Variants in RNF182 observed in about 807,000 individuals in gnomAD.
The protein encoded by RNF182 is ring finger protein 182, also known as E3 ubiquitin-protein ligase RNF182.
RNF182 carries 15 observed loss-of-function variants against 14.4 expected under a neutral mutation model. The ratio of observed to expected loss-of-function variants is 1.04; its 90% CI spans 0.70 to 1.60. The LOEUF (loss-of-function observed/expected upper bound fraction) is 1.60. Ranked by LOEUF, RNF182 falls within the 40% of genes most tolerant of loss-of-function variation. The pLI, the probability that RNF182 is intolerant of heterozygous loss-of-function variation, is 0.00. For synonymous variants in RNF182, 128 were observed against 122.9 expected (o/e 1.04, Z -0.27); for missense variants, 268 against 294.8 (o/e 0.91, Z 0.67).
chr6:13,954,091 G>T (rs1404120560), intron 1 of RNF182, among the ~76,000 whole-genome samples: 3 of 152,064 alleles, frequency 2.0e-5, no homozygotes, highest in African/African-American at 7.2e-5. Context: ...TTATCACTCA[G>T]CCTCAACAGT....
chr6:13,941,276 C>T (rs1759293012), intron 1 of RNF182, among the ~76,000 whole-genome samples: 1 of 151,894 alleles, frequency 6.6e-6, no homozygotes, highest in Non-Finnish European at 1.5e-5. Flanking sequence ...TGTTATAATT[C>T]CTTGGTGTAT....
chr6:13,943,708 A>G (rs762775374), intron 1 of RNF182, among the ~76,000 whole-genome samples: 3 of 152,204 alleles, frequency 2.0e-5, no homozygotes, highest in Non-Finnish European at 2.9e-5. Flanking sequence ...GAATAATGTT[A>G]AAGTTTTGCA....
At chr6:13,956,583 C>T (rs1035629572) in intron 1 of RNF182, among the ~76,000 whole-genome samples, 14 of 152,170 alleles carry the variant, frequency 9.2e-5, no homozygotes, top group Admixed American at 4.6e-4. Context: ...TCTTGGCCTC[C>T]CAGAGTGCTG....
chr6:13,940,693 T>C (rs1759272801), intron 1 of RNF182, among the ~76,000 whole-genome samples: 1 of 152,156 alleles, frequency 6.6e-6, no homozygotes, highest in Non-Finnish European at 1.5e-5. Flanking sequence ...CTTAGATTAT[T>C]GATTTTCAAC....
intron 1 of RNF182, among the ~76,000 whole-genome samples, chr6:13,939,607 G>A (rs765034366): frequency 3.0e-4 from 45 of 151,786 alleles, no homozygotes; most frequent in Admixed American, 2.7e-3. Context: ...GCAGTGGCGC[G>A]ATCTGGGCTC....
intron 1 of RNF182, among the ~76,000 whole-genome samples, chr6:13,927,653 G>A (rs1561773055): frequency 6.6e-6 from 1 of 152,248 alleles, no homozygotes; most frequent in Non-Finnish European, 1.5e-5. Context: ...TTGAAAGTCA[G>A]TTGTTTGTAA....
chr6:13,947,979 G>A (rs1043613975), intron 1 of RNF182, among the ~76,000 whole-genome samples: 1 of 152,126 alleles, frequency 6.6e-6, no homozygotes, highest in African/African-American at 2.4e-5. Flanking sequence ...AAAGAAATGT[G>A]CTCTAAATTT....
Position 13,928,269 on chromosome 6 carries a change from A to G in RNF182, c.-367+3246A>G, listed in dbSNP as rs190127090. Among the ~76,000 whole-genome samples, 305 of 152,260 alleles carry G rather than the reference A, an allele frequency of 2.0e-3. 1 individual carries two copies. Among genetic ancestry groups the G allele is most frequent in the African/African-American group, 6.9e-3 (286 of 41,532 alleles). ...AAACGATTGTTTTCCTGATGTGCCA[A>G]TTTTTTGTAGCAGTTATGGAGTATG... On this transcript the variant is annotated intron_variant, in intron 1 of 2. Transcript: ENST00000488300.
chr6:13,958,692 A>G (rs1759790123), intron 1 of RNF182, among the ~76,000 whole-genome samples: 4 of 152,214 alleles, frequency 2.6e-5, no homozygotes, highest in Admixed American at 2.6e-4. Flanking sequence ...AGAACAAACA[A>G]ATAAGTTAAA....
intron 1 of RNF182, among the ~76,000 whole-genome samples, chr6:13,929,810 A>G (rs1758920634): frequency 6.6e-6 from 1 of 152,250 alleles, no homozygotes; most frequent in Non-Finnish European, 1.5e-5. Context: ...TACTAAGTGT[A>G]GAAATAATGA....
At chr6:13,958,981 G>A (rs1759798118) in intron 1 of RNF182, among the ~76,000 whole-genome samples, 1 of 152,154 alleles carries the variant, frequency 6.6e-6, no homozygotes, top group Admixed American at 6.5e-5. Flanking sequence ...CACCTCCCCT[G>A]TCTCTTGCTT....
At chr6:13,940,357 T>C (rs1026064342) in intron 1 of RNF182, among the ~76,000 whole-genome samples, 9 of 152,290 alleles carry the variant, frequency 5.9e-5, no homozygotes, top group African/African-American at 2.2e-4. Flanking sequence ...ATCCAACTGA[T>C]GTGCTATTAT....
chr6:13,926,105 A>G (rs546546339), intron 1 of RNF182, among the ~76,000 whole-genome samples: 172 of 152,348 alleles, frequency 1.1e-3, no homozygotes, highest in South Asian at 1.7e-3. Context: ...TCATATTTAA[A>G]CAATATGAGA....
intron 1 of RNF182, among the ~76,000 whole-genome samples, chr6:13,936,598 A>ACCT (rs1759117608): frequency 6.6e-6 from 1 of 152,242 alleles, no homozygotes; most frequent in African/African-American, 2.4e-5. Flanking sequence ...AATGACTCAA[A>ACCT]GATGAACAAA....
chr6:13,974,986 C>T (rs1760287785), intron 2 of RNF182, among the ~76,000 whole-genome samples: 1 of 152,194 alleles, frequency 6.6e-6, no homozygotes, highest in South Asian at 2.1e-4. Context: ...GGGCATGTAG[C>T]TGCAAAGAAC....
Position 13,977,432 on chromosome 6 carries a change from C to G in RNF182, c.313C>G (p.Pro105Ala). 1 of 1,614,134 alleles carries G rather than the reference C, an allele frequency of 6.2e-7. No homozygotes were observed. The change falls in exon 3 of 3, where the codon CCT (proline) becomes GCT (alanine). Residue 105 changes from proline (P) to alanine (A), a missense_variant. By Grantham distance (27) the Pro-to-Ala change is conservative. Coordinates refer to ENST00000488300, the MANE Select transcript of RNF182 (RefSeq NM_152737.4). ...AGGGAAGAAGTGCCTGCCAGAGAAC[C>G]CTACTGAGCTGCTGCTCACCCCCAA... ...GKGKKCLPEN[P>A]TELLLTPKRL...
At chr6:13,925,701 A>G (rs530893701) in intron 1 of RNF182, among the ~76,000 whole-genome samples, 1 of 152,302 alleles carries the variant, frequency 6.6e-6, no homozygotes, top group East Asian at 1.9e-4. Flanking sequence ...TTTTGTTTCT[A>G]GAAGGTATTG....
At chr6:13,975,693 G>T (rs1760306002) in intron 2 of RNF182, among the ~76,000 whole-genome samples, 1 of 152,280 alleles carries the variant, frequency 6.6e-6, no homozygotes, top group African/African-American at 2.4e-5. Flanking sequence ...GCCTTTCTCT[G>T]TTAGTGCAGT....
chr6:13,955,660 T>G (rs951779272), intron 1 of RNF182, among the ~76,000 whole-genome samples: 1 of 152,234 alleles, frequency 6.6e-6, no homozygotes, highest in Admixed American at 6.5e-5. Context: ...ATGTGCTCCA[T>G]GGCAGAATGT....
Sources: allele counts gnomAD v4.1 joint callset (sites outside exome capture counted in the v4.1 genomes callset), GRCh38; gene constraint gnomAD v4.1.1; transcripts MANE v1.5; gene names NCBI Gene and HGNC (gene_info 2026-07-23, HGNC 2026-07-21).